TFAP2E: variants seen among roughly 807,000 people sequenced by gnomAD.
The protein encoded by TFAP2E is transcription factor AP-2-epsilon.
A neutral mutation model predicts 37.9 loss-of-function variants in TFAP2E; 30 were observed. The observed-to-expected ratio is 0.79, with a 90% confidence interval of 0.59 to 1.07. The LOEUF (loss-of-function observed/expected upper bound fraction) is 1.07, where lower values mean the gene tolerates loss of function less well. Among genes scored for constraint, TFAP2E ranks in the 50% least tolerant of loss-of-function variants. The probability of loss-of-function intolerance (pLI) is 0.00; values close to 1 mark genes in which losing one functional copy is unlikely to be tolerated. For synonymous variants in TFAP2E, 318 were observed against 295.8 expected (o/e 1.08, Z -0.77); for missense variants, 567 against 637.9 (o/e 0.89, Z 1.20).
In TFAP2E at chr1:35,588,511, C is replaced by G. The variant is rs760490993; in HGVS notation, c.744C>G (p.Pro248=). ...VGEVQRRLSP[P]ECLNASLLGG... ...AGGTGCAGCGGCGACTCTCGCCTCC[C>G]GAGTGCCTCAACGCCTCCCTCCTGG... Residue 248 remains proline, a synonymous_variant, in exon 4 of 7, where the codon CCC becomes CCG. Transcript: ENST00000373235. This position sits in a 1 kb window ranked among gnomAD's most constrained non-coding sequence, Gnocchi z 5.1. The G allele has an allele frequency of 1.9e-6, 3 of 1,604,386 alleles. No homozygotes were observed. Among genetic ancestry groups the G allele is most frequent in the East Asian group, 4.5e-5 (2 of 44,700 alleles).
At chr1:35,583,571 G>A (rs1649407531) in intron 3 of TFAP2E, among the ~76,000 whole-genome samples, 1 of 151,412 alleles carries the variant, frequency 6.6e-6, no homozygotes, top group African/African-American at 2.4e-5. Context: ...TGTCTGACAG[G>A]TTGAATAACC....
At chr1:35,582,730 G>C (rs1331778500) in intron 3 of TFAP2E, among the ~76,000 whole-genome samples, 1 of 151,656 alleles carries the variant, frequency 6.6e-6, no homozygotes, top group Non-Finnish European at 1.5e-5. Context: ...CAAGATCATA[G>C]CACACTGCAC....
In TFAP2E at chr1:35,588,618, C is replaced by T. The variant is rs532658599; in HGVS notation, c.785+66C>T. ...CTGGCCTCTTCAGGCCTTCTCAAGG[C>T]ATCAGAGAGGAGGCCAGTCTCACCT... On this transcript the variant is annotated intron_variant, in intron 4 of 6. Transcript: ENST00000373235. The surrounding 1 kb of genome is among the most constrained non-coding windows in gnomAD (Gnocchi z 5.1). 6.8e-7 allele frequency: 1 copy of T among 1,462,698 alleles called. No homozygotes were observed. The highest frequency in any genetic ancestry group is 9.2e-7 in the Non-Finnish European group (1 of 1,092,084). 90.6% of individuals were successfully genotyped at this position (1,462,698 alleles called of 1,614,324 possible).
intron 2 of TFAP2E, 183 bp downstream of exon 2, chr1:35,574,592 G>C: frequency 9.1e-7 from 1 of 1,093,118 alleles, no homozygotes; most frequent in Non-Finnish European, 1.2e-6. Flanking sequence ...AAGGCTGCCT[G>C]GCACTGAGTC....
At chr1:35,586,296 C>T (rs200693017) in intron 3 of TFAP2E, among the ~76,000 whole-genome samples, 1 of 152,144 alleles carries the variant, frequency 6.6e-6, no homozygotes, top group African/African-American at 2.4e-5. Context: ...CCCACTTTAA[C>T]CTCTTTGAAC....
In TFAP2E at chr1:35,573,974, G is replaced by T. The variant is rs1279714535; in HGVS notation, c.75G>T (p.Ser25=). 25 of 1,480,010 alleles carry T rather than the reference G, an allele frequency of 1.7e-5. No individual in the cohort carries two copies. Among genetic ancestry groups the T allele is most frequent in the Non-Finnish European group, 2.0e-5 (23 of 1,128,062 alleles). 91.7% of individuals were successfully genotyped at this position (1,480,010 alleles called of 1,614,324 possible). A position where few individuals can be genotyped will look rare whatever the true frequency, so the allele number is the denominator to read the frequency against. The change falls in exon 2 of 7, where the codon TCG becomes TCT. Residue 25 remains serine, a synonymous_variant. Transcript: ENST00000373235. The surrounding 1 kb of genome is among the most constrained non-coding windows in gnomAD (Gnocchi z 5.9). ...CAGCTGCCGGCGGGGCCCGCCTGTC[G>T]TCTCTGCCCCAGGCGGCCTACGGGC... The part of the protein sequence containing the change: ...LGAAAGGARL[S]SLPQAAYGPA...
At chr1:35,586,238 G>C (rs1649475987) in intron 3 of TFAP2E, among the ~76,000 whole-genome samples, 1 of 152,178 alleles carries the variant, frequency 6.6e-6, no homozygotes, top group South Asian at 2.1e-4. Context: ...GTGAACTCTG[G>C]AGTCAGTGCT....
intron 3 of TFAP2E, among the ~76,000 whole-genome samples, chr1:35,576,830 G>A (rs568526613): frequency 6.6e-6 from 1 of 152,336 alleles, no homozygotes; most frequent in African/African-American, 2.4e-5. Context: ...CATCCCAGGT[G>A]GCGGCGCGCT....
At chr1:35,575,264 G>A (rs1030288808) in intron 3 of TFAP2E, among the ~76,000 whole-genome samples, 3 of 152,232 alleles carry the variant, frequency 2.0e-5, no homozygotes, top group African/African-American at 7.2e-5. Context: ...CGAGGGGGAG[G>A]GCACTCTTGT....
chr1:35,574,630 C>T, intron 2 of TFAP2E: 1 of 793,976 alleles, frequency 1.3e-6, no homozygotes, highest in African/African-American at 1.7e-5. Context: ...TGGCAGCAAC[C>T]CTCGGCAGGG....
intron 4 of TFAP2E, 30 bp from the exon 5 acceptor site, chr1:35,589,900 G>T: frequency 1.2e-6 from 2 of 1,609,172 alleles, no homozygotes; most frequent in Non-Finnish European, 1.7e-6. Flanking sequence ...CTTCATAGTT[G>T]TATGTCTGTC....
In TFAP2E at chr1:35,590,624, C is replaced by T. The variant is rs201127413; in HGVS notation, c.905-10C>T. On this transcript the variant is annotated splice_polypyrimidine_tract_variant and intron_variant, in intron 5 of 6. Transcript: ENST00000373235. The surrounding 1 kb of genome is among the most constrained non-coding windows in gnomAD (Gnocchi z 6.2). ...ACACCCTGCAGTAGTGACAGCTCCCCTCCCCCCAGGAGAGGCCGTGCACCT... is the reference window on the plus strand; with the variant it reads ...ACACCCTGCAGTAGTGACAGCTCCCTTCCCCCCAGGAGAGGCCGTGCACCT... 6.3e-4 allele frequency: 921 copies of T among 1,460,672 alleles called. No individual in the cohort carries two copies. The highest frequency in any genetic ancestry group is 7.1e-4 in the Non-Finnish European group (778 of 1,093,830). The allele number at this position is 1,460,672 out of a possible 1,614,324, so 90.5% of individuals were successfully genotyped here.
rs570216661 is a variant in TFAP2E at position 35,595,055 on chromosome 1, G to A, written c.*379G>A. ...CCTTTGTGTTTTTCACTGGTGGCAG[G>A]AGGAAAATTGATAAATCAGAGGTGC... On this transcript the variant is annotated 3_prime_UTR_variant, in exon 7 of 7. Transcript: ENST00000373235. 1.1e-3 allele frequency: 301 copies of A among 268,256 alleles called. 5 individuals are homozygous for A. Among genetic ancestry groups the A allele is most frequent in the Middle Eastern group, 6.3e-3 (5 of 788 alleles). The allele number at this position is 268,256 out of a possible 1,614,324, so 16.6% of individuals were successfully genotyped here.
rs1374703519 is a variant in TFAP2E, at chr1:35,590,846, G to A, written c.1046+71G>A. 23 of 1,330,342 alleles carry A rather than the reference G, an allele frequency of 1.7e-5. No homozygotes were observed. Among genetic ancestry groups the A allele is most frequent in the Non-Finnish European group, 2.2e-5 (23 of 1,026,882 alleles). The allele number at this position is 1,330,342 out of a possible 1,614,324, so 82.4% of individuals were successfully genotyped here. On this transcript the variant is annotated intron_variant, in intron 6 of 6. Coordinates refer to ENST00000373235, the MANE Select transcript of TFAP2E (RefSeq NM_178548.4). The surrounding 1 kb of genome is among the most constrained non-coding windows in gnomAD (Gnocchi z 6.2). The stretch of plus-strand genomic sequence containing the variant: ...GACAGACATCATGTATGGGCACAAT[G>A]GACACCACTGTGTACATGAGCAGTG...
At chr1:35,585,410 C>T (rs1649457095) in intron 3 of TFAP2E, among the ~76,000 whole-genome samples, 1 of 152,164 alleles carries the variant, frequency 6.6e-6, no homozygotes, top group Non-Finnish European at 1.5e-5. Context: ...AGCCTGCCAA[C>T]CTCCCCCACA....
intron 6 of TFAP2E, among the ~76,000 whole-genome samples, 191 bp from the exon 7 acceptor site, chr1:35,594,203 C>T (rs149314227): frequency 3.0e-4 from 46 of 152,318 alleles, no homozygotes; most frequent in Non-Finnish European, 5.6e-4. Context: ...CTGTGTGATA[C>T]TGGGCTAGTC....
chr1:35,580,202 C>G (rs944175673), intron 3 of TFAP2E, among the ~76,000 whole-genome samples: 1 of 151,744 alleles, frequency 6.6e-6, no homozygotes, highest in African/African-American at 2.4e-5. Context: ...AAGAGCAAAA[C>G]TCCATCTTAA....
At position 35,594,629 on chromosome 1, in the gene TFAP2E, C is replaced by T. The variant is rs552801906; in HGVS notation, c.1282C>T (p.His428Tyr). The change falls in exon 7 of 7, where the codon CAT becomes TAT. Residue 428 changes from histidine to tyrosine, a missense_variant. Coordinates refer to ENST00000373235, the MANE Select transcript of TFAP2E (RefSeq NM_178548.4). ...KMFLSSVGSG[H>Y]GETKASEKDA... ...GTTTCTAAGCAGTGTGGGCAGTGGG[C>T]ATGGTGAAACCAAGGCTTCGGAGAA... The T allele has an allele frequency of 6.2e-7, 1 of 1,614,212 alleles. No individual in the cohort carries two copies. Among genetic ancestry groups the T allele is most frequent in the African/African-American group, 1.3e-5 (1 of 75,058 alleles).
chr1:35,588,257 A>G lies in TFAP2E; in HGVS notation c.563-73A>G. 6.9e-7 allele frequency: 1 copy of G among 1,450,060 alleles called. No individual in the cohort carries two copies. Among genetic ancestry groups the G allele is most frequent in the South Asian group, 1.3e-5 (1 of 75,664 alleles). 89.8% of individuals were successfully genotyped at this position (1,450,060 alleles called of 1,614,324 possible). A position where few individuals can be genotyped will look rare whatever the true frequency, so the allele number is the denominator to read the frequency against. On this transcript the variant is annotated intron_variant, in intron 3 of 6. Transcript: ENST00000373235. The surrounding 1 kb of genome is among the most constrained non-coding windows in gnomAD (Gnocchi z 5.1). ...GCTCAGTTTCTCCCTTCATAAAGCA[A>G]GGATACCAGACCCTCCCTTGAGTGG...
Sources: allele counts gnomAD v4.1 joint callset (sites outside exome capture counted in the v4.1 genomes callset), GRCh38; gene constraint gnomAD v4.1.1; non-coding constraint Gnocchi (gnomAD v3.1); transcripts MANE v1.5; gene names NCBI Gene and HGNC (gene_info 2026-07-23, HGNC 2026-07-21).